The following TTC28 variants were observed in gnomAD, a reference collection of about 807,000 sequenced individuals.
The protein encoded by TTC28 is tetratricopeptide repeat protein 28.
A neutral mutation model predicts 198.0 loss-of-function variants in TTC28; 61 were observed. The ratio of observed to expected loss-of-function variants is 0.31; its 90% CI spans 0.25 to 0.38. The LOEUF is 0.38. Ranked by LOEUF, TTC28 falls within the 10% of genes least tolerant of loss-of-function variation. TTC28 has a pLI of 1.00. For synonymous variants in TTC28, 1,171 were observed against 1,297.8 expected, an observed-to-expected ratio of 0.90 and a Z score of 2.10; for missense variants, 2,678 against 3,164.0, an observed-to-expected ratio of 0.85 and a Z score of 3.69.
chr22:28,342,342 C>G (rs1255341210), intron 2 of TTC28, among the ~76,000 whole-genome samples: 1 of 152,082 alleles, frequency 6.6e-6, no homozygotes, highest in Non-Finnish European at 1.5e-5. Flanking sequence ...AGCTGGATTT[C>G]CACTGCATTT....
intron 5 of TTC28, among the ~76,000 whole-genome samples, chr22:28,249,837 C>T (rs1930390785): frequency 6.6e-6 from 1 of 152,204 alleles, no homozygotes; most frequent in Non-Finnish European, 1.5e-5. Context: ...ATTGAAAACT[C>T]AGTTCTGAGA....
At chr22:28,198,225 G>A (rs1254626654) in intron 5 of TTC28, among the ~76,000 whole-genome samples, 1 of 152,038 alleles carries the variant, frequency 6.6e-6, no homozygotes, top group East Asian at 1.9e-4. Context: ...CGCCTTCTAC[G>A]TTGTTTAGCA....
chr22:28,020,911 C>A (rs567759609), intron 13 of TTC28, among the ~76,000 whole-genome samples: 41 of 152,218 alleles, frequency 2.7e-4, no homozygotes, highest in African/African-American at 9.4e-4. Context: ...TAGGACCCGA[C>A]AGACCTCCCT....
chr22:28,656,062 G>A (rs2051644927), intron 1 of TTC28, among the ~76,000 whole-genome samples: 1 of 152,156 alleles, frequency 6.6e-6, no homozygotes, highest in Non-Finnish European at 1.5e-5. Context: ...AAAGCTGAAA[G>A]GACGCAAAGA....
chr22:28,379,914 C>T (rs2046469522), intron 2 of TTC28, among the ~76,000 whole-genome samples: 1 of 151,706 alleles, frequency 6.6e-6, no homozygotes, highest in Non-Finnish European at 1.5e-5. Context: ...GGAGATAGGA[C>T]AATTAAATGC....
intron 3 of TTC28, among the ~76,000 whole-genome samples, chr22:28,298,847 C>A (rs2044956536): frequency 1.3e-5 from 2 of 152,208 alleles, no homozygotes; most frequent in Non-Finnish European, 2.9e-5. Context: ...CCTTGTCATT[C>A]TCACTGGTAA....
intron 2 of TTC28, among the ~76,000 whole-genome samples, chr22:28,587,079 G>C (rs543532860): frequency 6.6e-6 from 1 of 152,066 alleles, no homozygotes; most frequent in Non-Finnish European, 1.5e-5. Context: ...AAAATTAGCC[G>C]GGTATGGTGG....
chr22:28,548,040 C>T (rs933312228), intron 2 of TTC28, among the ~76,000 whole-genome samples: 3 of 151,898 alleles, frequency 2.0e-5, no homozygotes, highest in Non-Finnish European at 4.4e-5. Flanking sequence ...AATTCAAATG[C>T]ACTAGTTTTT....
At chr22:27,984,001 A>G in intron 22 of TTC28, 150 bp from the exon 23 acceptor site, 1 of 949,522 alleles carries the variant, frequency 1.1e-6, no homozygotes, top group South Asian at 1.8e-5. Context: ...CCTCAAAAAC[A>G]TGGTCCTGTT....
intron 2 of TTC28, among the ~76,000 whole-genome samples, chr22:28,381,684 A>T (rs192990657): frequency 5.1e-4 from 77 of 152,272 alleles, no homozygotes; most frequent in South Asian, 4.2e-4. Flanking sequence ...AAGAGAAGTC[A>T]CTTAATCCAG....
At chr22:28,226,421 CTTCTT>C (rs1928344448) in intron 5 of TTC28, among the ~76,000 whole-genome samples, 1 of 151,836 alleles carries the variant, frequency 6.6e-6, no homozygotes, top group Non-Finnish European at 1.5e-5. Context: ...GTTCTCTTCT[CTTCTT>C]TTCTCTTCTC....
intron 6 of TTC28, among the ~76,000 whole-genome samples, chr22:28,131,958 T>G (rs1309230903): frequency 6.6e-6 from 1 of 152,192 alleles, no homozygotes; most frequent in African/African-American, 2.4e-5. Context: ...CACTCATTAT[T>G]CAAAAGATTC....
chr22:28,249,032 G>A (rs1477029912), intron 5 of TTC28, among the ~76,000 whole-genome samples: 1 of 152,020 alleles, frequency 6.6e-6, no homozygotes, highest in Non-Finnish European at 1.5e-5. Context: ...GATTTGTACT[G>A]TATTATATAA....
At chr22:28,344,127 T>C (rs1054021548) in intron 2 of TTC28, among the ~76,000 whole-genome samples, 3 of 151,136 alleles carry the variant, frequency 2.0e-5, no homozygotes, top group Non-Finnish European at 4.4e-5. Flanking sequence ...CTATAATCAC[T>C]AGTCTAGCAA....
chr22:28,660,877 C>T (rs1164658237), intron 1 of TTC28, among the ~76,000 whole-genome samples: 2 of 151,482 alleles, frequency 1.3e-5, no homozygotes, highest in Non-Finnish European at 2.9e-5. Context: ...AGAATGGTCT[C>T]GAACTCCTGA....
chr22:28,181,879 C>T (rs181420674), intron 5 of TTC28, among the ~76,000 whole-genome samples: 1 of 152,094 alleles, frequency 6.6e-6, no homozygotes, highest in Non-Finnish European at 1.5e-5. Context: ...CAAAAACAAA[C>T]AAACAAACAA....
rs1460470065 is a variant in TTC28 at position 27,983,863 on chromosome 22, A to G, written c.5816-12T>C. 3.9e-6 allele frequency: 6 copies of G among 1,540,566 alleles called. No homozygotes were observed. In the South Asian group the frequency reaches 7.3e-5, roughly 19 times the overall value. ...TAGCTCAGTAGAATCTAAGCACAAA[A>G]CACAAGGGCCCCAAGGACAGTTAGA... is the stretch of plus-strand genomic sequence containing the variant. On this transcript the variant is annotated splice_polypyrimidine_tract_variant and intron_variant, in intron 22 of 22. Transcript: ENST00000397906.
chr22:28,369,881 T>G (rs930364180), intron 2 of TTC28, among the ~76,000 whole-genome samples: 1 of 152,202 alleles, frequency 6.6e-6, no homozygotes, highest in Non-Finnish European at 1.5e-5. Flanking sequence ...TGAAATCATA[T>G]ATATGCTTCA....
chr22:28,447,245 TA>T (rs68065115), intron 2 of TTC28, among the ~76,000 whole-genome samples: 6,179 of 147,054 alleles, frequency 0.042, 154 homozygotes, highest in African/African-American at 0.059. Context: ...AGAGACAGGT[TA>T]AAAAAAAAAG....
Sources: gnomAD v4.1 joint callset for allele counts (sites outside exome capture counted in the v4.1 genomes callset) on GRCh38, gnomAD v4.1.1 for gene constraint, MANE v1.5 for transcripts, NCBI Gene and HGNC (gene_info 2026-07-23, HGNC 2026-07-21) for gene names.